The following LRMDA variants were observed in gnomAD, a reference collection of about 807,000 sequenced individuals.
The protein encoded by LRMDA is leucine-rich melanocyte differentiation-associated protein.
LRMDA carries 18 observed loss-of-function variants against 29.8 expected under a neutral mutation model. The ratio of observed to expected loss-of-function variants is 0.60; its 90% confidence interval spans 0.42 to 0.90. LRMDA has a LOEUF of 0.90. LRMDA is among the 40% of genes least tolerant of loss of function. The pLI, the probability that LRMDA is intolerant of heterozygous loss-of-function variation, is 0.00. For missense variants in LRMDA, 273 were observed against 273.9 expected (o/e 1.00, Z 0.02); for synonymous variants, 125 against 109.4 (o/e 1.14, Z -0.89).
At chr10:76,225,594 T>C (rs1030372470) in intron 5 of LRMDA, among the ~76,000 whole-genome samples, 4 of 152,008 alleles carry the variant, frequency 2.6e-5, no homozygotes, top group Non-Finnish European at 5.9e-5. Flanking sequence ...TCCTCACTTC[T>C]CTCTCTTTTC....
At chr10:76,212,270 A>ACAC (rs1564687628) in intron 5 of LRMDA, among the ~76,000 whole-genome samples, 3 of 123,240 alleles carry the variant, frequency 2.4e-5, no homozygotes, top group Non-Finnish European at 3.4e-5. Context: ...CACACACATA[A>ACAC]AAAAAAAAAA....
chr10:76,000,186 G>A (rs1257911963), intron 2 of LRMDA, among the ~76,000 whole-genome samples: 1 of 152,124 alleles, frequency 6.6e-6, no homozygotes, highest in Admixed American at 6.5e-5. Context: ...GGTGGAGGAC[G>A]GGGGCTGGGA....
intron 2 of LRMDA, among the ~76,000 whole-genome samples, chr10:75,878,322 A>G (rs552094925): frequency 6.8e-6 from 1 of 147,954 alleles, no homozygotes; most frequent in South Asian, 2.1e-4. Flanking sequence ...ATGGGTGCAA[A>G]GTTTTATTGA....
intron 6 of LRMDA, among the ~76,000 whole-genome samples, chr10:76,512,741 A>G (rs955291197): frequency 6.6e-6 from 1 of 152,198 alleles, no homozygotes; most frequent in African/African-American, 2.4e-5. Context: ...TTAAATAGGA[A>G]GATAGTACCC....
intron 2 of LRMDA, among the ~76,000 whole-genome samples, chr10:75,522,670 G>A (rs1290399264): frequency 6.6e-6 from 1 of 152,210 alleles, no homozygotes; most frequent in Non-Finnish European, 1.5e-5. Context: ...ACCCTTCTTT[G>A]TTCTACAACA....
At chr10:75,613,496 C>T (rs1002742671) in intron 2 of LRMDA, among the ~76,000 whole-genome samples, 1 of 152,134 alleles carries the variant, frequency 6.6e-6, no homozygotes, top group African/African-American at 2.4e-5. Context: ...CTGCACATCA[C>T]TCTCGCTTTT....
intron 6 of LRMDA, among the ~76,000 whole-genome samples, chr10:76,371,969 T>C (rs1449237839): frequency 6.6e-6 from 1 of 152,162 alleles, no homozygotes; most frequent in Non-Finnish European, 1.5e-5. Flanking sequence ...CAAGGCAAGG[T>C]CCAAGACTAG....
At chr10:76,243,460 A>G (rs1852317283) in intron 5 of LRMDA, among the ~76,000 whole-genome samples, 2 of 152,056 alleles carry the variant, frequency 1.3e-5, no homozygotes, top group Admixed American at 6.6e-5. Context: ...TAGCTATTTT[A>G]CTCTTGCAAA....
intron 5 of LRMDA, among the ~76,000 whole-genome samples, chr10:76,193,839 C>T (rs1283968796): frequency 6.6e-6 from 1 of 152,054 alleles, no homozygotes; most frequent in Non-Finnish European, 1.5e-5. Flanking sequence ...TAAGGAGAGG[C>T]CTGCAGCAGG....
intron 5 of LRMDA, among the ~76,000 whole-genome samples, chr10:76,085,975 C>G (rs976942450): frequency 6.6e-6 from 1 of 152,192 alleles, no homozygotes; most frequent in African/African-American, 2.4e-5. Flanking sequence ...CTCCTCCCAC[C>G]TCCTCCTTCT....
chr10:75,635,378 T>G lies in LRMDA; in HGVS notation c.131+196884T>G, dbSNP rs142604071. ...TTTCGCATGGTATGATGGCCTTGTT[T>G]TCTCCCTTCTCTCTATTTAATGACT... is the stretch of plus-strand genomic sequence containing the variant. On this transcript the variant is annotated intron_variant, in intron 2 of 6. Coordinates refer to ENST00000611255, the MANE Select transcript of LRMDA (RefSeq NM_001305581.2). Among the ~76,000 whole-genome samples the G allele has an allele frequency of 5.6e-4, 86 of 152,264 alleles. No homozygotes were observed. In the East Asian group the frequency reaches 0.017, roughly 29 times the overall value.
chr10:76,076,170 C>T (rs1227281099), intron 5 of LRMDA, among the ~76,000 whole-genome samples: 3 of 151,712 alleles, frequency 2.0e-5, no homozygotes, highest in Admixed American at 6.6e-5. Context: ...GGTGAAAACC[C>T]GTCTCTACTA....
At position 76,247,742 on chromosome 10, in the gene LRMDA, T is replaced by C. The variant is rs1852401440; in HGVS notation, c.517-76659T>C. Among the ~76,000 whole-genome samples the C allele has an allele frequency of 2.0e-5, 3 of 152,256 alleles. No individual in the cohort carries two copies. In the South Asian group the frequency reaches 6.2e-4, roughly 32 times the overall value. On this transcript the variant is annotated intron_variant, in intron 5 of 6. Transcript: ENST00000611255. ...TGACCTTGTGACTTGTTCTGGTCAG[T>C]AGGGCGTTAGCAAACATGATGTATC...
chr10:75,597,574 G>T (rs1840807070), intron 2 of LRMDA, among the ~76,000 whole-genome samples: 1 of 152,264 alleles, frequency 6.6e-6, no homozygotes, highest in East Asian at 1.9e-4. Context: ...GGTAATCCTG[G>T]CGTAGCAGGT....
chr10:75,899,559 G>A (rs1238779495), intron 2 of LRMDA, among the ~76,000 whole-genome samples: 1 of 152,220 alleles, frequency 6.6e-6, no homozygotes, highest in East Asian at 1.9e-4. Context: ...GCTGTTACAT[G>A]CAAGGCCAGA....
intron 6 of LRMDA, among the ~76,000 whole-genome samples, chr10:76,499,171 G>T (rs1219177023): frequency 2.7e-5 from 2 of 74,944 alleles, no homozygotes; most frequent in African/African-American, 6.5e-5. Flanking sequence ...ACAGAGTTGT[G>T]CAACTGTCAC....
At chr10:76,434,607 G>A (rs1052207666) in intron 6 of LRMDA, among the ~76,000 whole-genome samples, 2 of 152,054 alleles carry the variant, frequency 1.3e-5, no homozygotes, top group African/African-American at 4.8e-5. Context: ...TCATCCATCT[G>A]TCCATCCATC....
chr10:76,475,254 G>T (rs1044326476), intron 6 of LRMDA, among the ~76,000 whole-genome samples: 19 of 151,582 alleles, frequency 1.3e-4, no homozygotes, highest in African/African-American at 4.3e-4. Context: ...TTTTCAGATT[G>T]TGGTGATGAT....
At chr10:76,218,321 C>T (rs981736221) in intron 5 of LRMDA, among the ~76,000 whole-genome samples, 12 of 152,172 alleles carry the variant, frequency 7.9e-5, no homozygotes, top group African/African-American at 2.9e-4. Context: ...GAAGCCACCT[C>T]GGGCAGTGCA....
Sources: gnomAD v4.1 joint callset for allele counts (sites outside exome capture counted in the v4.1 genomes callset) on GRCh38, gnomAD v4.1.1 for gene constraint, MANE v1.5 for transcripts, NCBI Gene and HGNC (gene_info 2026-07-23, HGNC 2026-07-21) for gene names.